Variants in GPHN observed in about 807,000 individuals in gnomAD.
GPHN encodes gephyrin.
In GPHN, 17 loss-of-function variants were observed where a neutral mutation model predicts 95.5. The observed-to-expected ratio is 0.18, with a 90% CI of 0.12 to 0.27. The LOEUF (loss-of-function observed/expected upper bound fraction) is 0.27, where lower values mean the gene tolerates loss of function less well. Among genes scored for constraint, GPHN ranks in the 10% least tolerant of loss-of-function variants. The probability of loss-of-function intolerance (pLI) is 1.00; values close to 1 mark genes in which losing one functional copy is unlikely to be tolerated. For synonymous variants in GPHN, 320 were observed against 322.5 expected (o/e 0.99, Z 0.08); for missense variants, 660 against 978.1 (o/e 0.67, Z 4.34).
At chr14:66,696,121 G>A (rs1307761914) in intron 2 of GPHN, among the ~76,000 whole-genome samples, 1 of 152,126 alleles carries the variant, frequency 6.6e-6, no homozygotes, top group Non-Finnish European at 1.5e-5. Context: ...GGATATATGG[G>A]AAATTATATG....
chr14:67,586,951 T>G, the GPHN span: 2 of 1,544,326 alleles, frequency 1.3e-6, no homozygotes, highest in Non-Finnish European at 1.7e-6. Context: ...TTCTCCCAGG[T>G]GGGTATTTTA....
Position 66,814,689 on chromosome 14 carries a change from G to C in GPHN, c.202-9785G>C, listed in dbSNP as rs575894827. ...TCAGCAACCTCAAAGATTGAAGATAGATAAGCCCACAAAGATGAGAAAGAA... is the reference window on the plus strand; with the variant it reads ...TCAGCAACCTCAAAGATTGAAGATACATAAGCCCACAAAGATGAGAAAGAA... On this transcript the variant is annotated intron_variant, in intron 3 of 22. Coordinates refer to ENST00000478722, the MANE Select transcript of GPHN (RefSeq NM_020806.5). 6.5e-4 allele frequency among the ~76,000 whole-genome samples: 99 copies of C among 152,312 alleles called. 1 individual carries two copies. The highest frequency in any genetic ancestry group is 2.1e-3 in the African/African-American group (89 of 41,570).
the GPHN span, chr14:67,577,928 A>G: frequency 2.6e-6 from 3 of 1,152,710 alleles, no homozygotes; most frequent in African/African-American, 4.6e-5. Flanking sequence ...AGTAAACTCT[A>G]ACCTCCCTGG....
At chr14:66,617,379 G>A (rs1214820883) in intron 1 of GPHN, among the ~76,000 whole-genome samples, 1 of 150,796 alleles carries the variant, frequency 6.6e-6, no homozygotes, top group Non-Finnish European at 1.5e-5. Context: ...TCCATGGGTT[G>A]CGCAGTTCTG....
the GPHN span, chr14:67,734,300 C>T: frequency 5.7e-6 from 1 of 176,902 alleles, no homozygotes; most frequent in Admixed American, 5.4e-5. Context: ...GGAGTCTAGA[C>T]CAACACACAA....
the GPHN span, among the ~76,000 whole-genome samples, chr14:67,291,993 G>A: frequency 6.6e-6 from 1 of 152,126 alleles, no homozygotes; most frequent in African/African-American, 2.4e-5. Flanking sequence ...TGATTATTAT[G>A]TAATGAAATG....
At chr14:67,429,038 C>T in the GPHN span, among the ~76,000 whole-genome samples, 1 of 152,116 alleles carries the variant, frequency 6.6e-6, no homozygotes, top group African/African-American at 2.4e-5. Context: ...GCTCAAGACC[C>T]GTATTCTCTT....
chr14:67,013,152 ATTAT>A (rs2073107158), intron 9 of GPHN, among the ~76,000 whole-genome samples: 1 of 151,882 alleles, frequency 6.6e-6, no homozygotes, highest in Non-Finnish European at 1.5e-5. Context: ...TATTATTATT[ATTAT>A]TGTTAATTTC....
the GPHN span, among the ~76,000 whole-genome samples, chr14:67,626,889 TAAATG>T: frequency 1.3e-5 from 2 of 152,322 alleles, no homozygotes; most frequent in African/African-American, 2.4e-5. Context: ...TATTCAGTCA[TAAATG>T]GAATGAAGTA....
intron 2 of GPHN, among the ~76,000 whole-genome samples, chr14:66,704,078 A>G (rs138323679): frequency 7.9e-5 from 12 of 152,310 alleles, no homozygotes; most frequent in Non-Finnish European, 1.8e-4. Context: ...AAAGAAGGGC[A>G]TTACATAATG....
intron 12 of GPHN, among the ~76,000 whole-genome samples, chr14:67,097,371 C>A (rs1290984913): frequency 6.6e-6 from 1 of 152,152 alleles, no homozygotes; most frequent in Non-Finnish European, 1.5e-5. Flanking sequence ...TCTTGGTATT[C>A]TCAGGGATAG....
In GPHN at chr14:66,924,212, A is replaced by G; in HGVS notation, c.748A>G (p.Ser250Gly). The change falls in exon 8 of 23, where the codon AGT becomes GGT. Residue 250 changes from serine (S) to glycine (G), a missense_variant. By Grantham distance (56) the Ser-to-Gly change is moderately conservative. Around this residue, in one of 6 missense-constraint regions of GPHN, gnomAD observed 190 missense variants for 224.7 expected, o/e 0.85. Transcript: ENST00000478722. ...IAAKKHPFYT[S>G]PAVVMAHGEQ... is the part of the protein sequence containing the mutation. ...GCATTAGAAGCATCCATTCTACACC[A>G]GTCCTGCTGTTGTCATGGCACACGG... 6.2e-7 allele frequency: 1 copy of G among 1,603,818 alleles called. No homozygotes were observed. The highest frequency in any genetic ancestry group is 8.5e-7 in the Non-Finnish European group (1 of 1,170,580).
At chr14:66,669,500 A>AT (rs58642718) in intron 1 of GPHN, among the ~76,000 whole-genome samples, 41,181 of 150,560 alleles carry the variant, frequency 0.27, 10,615 homozygotes, top group African/African-American at 0.65. Context: ...TTGAGTTGTT[A>AT]TTTTTTTTTA....
intron 21 of GPHN, among the ~76,000 whole-genome samples, chr14:67,179,076 A>G (rs2083180157): frequency 6.6e-6 from 1 of 152,168 alleles, no homozygotes. Context: ...CCCAACCCCT[A>G]GACTTCCTGT....
At chr14:66,872,710 A>G (rs1250904145) in intron 4 of GPHN, among the ~76,000 whole-genome samples, 2 of 152,114 alleles carry the variant, frequency 1.3e-5, no homozygotes, top group African/African-American at 2.4e-5. Flanking sequence ...AGCTTGGCCA[A>G]CATGGTGAAA....
At chr14:67,440,524 G>A in the GPHN span, among the ~76,000 whole-genome samples, 1 of 152,106 alleles carries the variant, frequency 6.6e-6, no homozygotes, top group African/African-American at 2.4e-5. Context: ...ACCCGAGGTG[G>A]CCAGATCACT....
At chr14:67,207,276 AG>A in the GPHN span, among the ~76,000 whole-genome samples, 10 of 152,166 alleles carry the variant, frequency 6.6e-5, no homozygotes, top group Non-Finnish European at 1.5e-4. Context: ...TGAGGGCCTC[AG>A]GGAACTTACA....
Position 66,949,055 on chromosome 14 carries a change from G to T in GPHN, c.829-16136G>T, listed in dbSNP as rs151054682. Among the ~76,000 whole-genome samples the T allele has an allele frequency of 1.3e-3, 191 of 152,212 alleles. 1 individual carries two copies. The highest frequency in any genetic ancestry group is 2.1e-3 in the Non-Finnish European group (145 of 68,006). ...ATATTTTCTGATATAACCCATTTAG[G>T]TATTATATGTAATCAATCTTTTTTG... On this transcript the variant is annotated intron_variant, in intron 8 of 22. Coordinates refer to ENST00000478722, the MANE Select transcript of GPHN (RefSeq NM_020806.5).
chr14:67,198,102 T>C, the GPHN span: 1 of 1,562,142 alleles, frequency 6.4e-7, no homozygotes, highest in African/African-American at 1.4e-5. Flanking sequence ...TTAAATTCTC[T>C]CTGTATCCAC....
Sources: allele counts gnomAD v4.1 joint callset (sites outside exome capture counted in the v4.1 genomes callset), GRCh38; gene constraint gnomAD v4.1.1; regional missense constraint gnomAD v4.1.1; transcripts MANE v1.5; gene names NCBI Gene and HGNC (gene_info 2026-07-23, HGNC 2026-07-21).